BRD4: variants seen among roughly 807,000 people sequenced by gnomAD.
BRD4 encodes bromodomain-containing protein 4.
Under a neutral mutation model 142.1 loss-of-function variants are expected in BRD4, and 16 were observed. The ratio of observed to expected loss-of-function variants is 0.11; its 90% CI spans 0.08 to 0.17. BRD4 has a LOEUF of 0.17. BRD4 is among the 10% of genes least tolerant of loss of function. BRD4 has a pLI of 1.00. For synonymous variants in BRD4, 833 were observed against 707.5 expected (o/e 1.18, Z -2.82); for missense variants, 1,424 against 1,810.9 (o/e 0.79, Z 3.88).
intron 1 of BRD4, among the ~76,000 whole-genome samples, chr19:15,314,503 C>CG (rs2048000098): frequency 6.6e-6 from 1 of 152,128 alleles, no homozygotes; most frequent in Admixed American, 6.6e-5. Flanking sequence ...TTATTTCCGA[C>CG]GTCCTATTGG....
intron 7 of BRD4, among the ~76,000 whole-genome samples, chr19:15,261,031 G>GAGAGT (rs2047464498): frequency 6.6e-6 from 1 of 152,192 alleles, no homozygotes. Context: ...TTCTTCCTAT[G>GAGAGT]AGAGTAGATG....
At chr19:15,293,878 A>T (rs192160284) in intron 1 of BRD4, among the ~76,000 whole-genome samples, 83 of 152,316 alleles carry the variant, frequency 5.4e-4, no homozygotes, top group African/African-American at 1.9e-3. Context: ...TTGGTATCTC[A>T]TGTAAGTTGA....
chr19:15,299,386 C>A (rs899222440), intron 1 of BRD4, among the ~76,000 whole-genome samples: 3 of 152,332 alleles, frequency 2.0e-5, no homozygotes, highest in African/African-American at 7.2e-5. Flanking sequence ...TTTTACCCAT[C>A]AAAGCCTGAC....
intron 2 of BRD4, among the ~76,000 whole-genome samples, chr19:15,272,452 G>C (rs1223347242): frequency 6.6e-6 from 1 of 152,156 alleles, no homozygotes; most frequent in East Asian, 1.9e-4. Context: ...ACTTATCCTT[G>C]ATCAACTATG....
At chr19:15,254,893 C>T (rs1320159580) in intron 10 of BRD4, among the ~76,000 whole-genome samples, 3 of 152,210 alleles carry the variant, frequency 2.0e-5, no homozygotes, top group Admixed American at 6.5e-5. Flanking sequence ...ACCGAACTGT[C>T]CCTGCTAGAG....
chr19:15,318,336 A>G (rs982355025), intron 1 of BRD4, among the ~76,000 whole-genome samples: 2 of 152,168 alleles, frequency 1.3e-5, no homozygotes, highest in African/African-American at 4.8e-5. Context: ...CTTAGAAGTA[A>G]TAAGAGTTCT....
intron 1 of BRD4, among the ~76,000 whole-genome samples, chr19:15,312,627 C>A (rs1183985392): frequency 1.3e-5 from 2 of 151,504 alleles, no homozygotes; most frequent in African/African-American, 2.4e-5. Flanking sequence ...AGTGAAAATC[C>A]GTCAAATCAA....
chr19:15,252,103 CG>C (rs1012906678), intron 11 of BRD4, among the ~76,000 whole-genome samples: 15 of 152,038 alleles, frequency 9.9e-5, no homozygotes, highest in Non-Finnish European at 2.1e-4. Context: ...ATCTCGGCAG[CG>C]GCAGGAGGGG....
chr19:15,256,174 T>C lies in BRD4; in HGVS notation c.1641A>G (p.Lys547=). 1.2e-6 allele frequency: 2 copies of C among 1,612,822 alleles called. No individual in the cohort carries two copies. Among genetic ancestry groups the C allele is most frequent in the Admixed American group, 1.7e-5 (1 of 60,004 alleles). The change falls in exon 9 of 20, where the codon AAA becomes AAG. Residue 547 remains lysine (K), a synonymous_variant. Transcript: ENST00000679869. ...KKKEKDKKEK[K]KEKHKRKEEV... ...CCTCTTTCCTTTTGTGCTTTTCTTT[T>C]TTCTTTTCCTTCTTGTCTTTCTCCT... is the stretch of plus-strand genomic sequence containing the variant.
chr19:15,235,591 TGTAA>T lies in BRD4; in HGVS notation c.*2782_*2785del, dbSNP rs1367493437. On this transcript the variant is annotated 3_prime_UTR_variant, in exon 20 of 20. Coordinates refer to ENST00000679869, the MANE Select transcript of BRD4 (RefSeq NM_001379291.1). ...CAAAAAAAAAAAAAAACCTTTCGTA[TGTAA>T]GTGAAAAGTCTACGAATTCCCTTCT... 6.6e-6 allele frequency: 1 copy of T among 151,950 alleles called. No homozygotes were observed. The allele number at this position is 151,950 out of a possible 1,614,324, so 9.4% of individuals were successfully genotyped here.
chr19:15,299,913 T>C (rs1394508943), intron 1 of BRD4, among the ~76,000 whole-genome samples: 1 of 152,206 alleles, frequency 6.6e-6, no homozygotes, highest in Non-Finnish European at 1.5e-5. Context: ...AGAGAGCGTA[T>C]GAAGAGCTGC....
At chr19:15,252,518 A>C (rs2047358572) in intron 11 of BRD4, among the ~76,000 whole-genome samples, 1 of 152,232 alleles carries the variant, frequency 6.6e-6, no homozygotes. Flanking sequence ...AATTGGATCC[A>C]AGAATACAGC....
intron 1 of BRD4, among the ~76,000 whole-genome samples, chr19:15,323,898 C>T (rs2048086008): frequency 6.6e-6 from 1 of 152,186 alleles, no homozygotes; most frequent in Admixed American, 6.5e-5. Flanking sequence ...CAGTCCCAGG[C>T]ATCTTTATAC....
At position 15,315,290 on chromosome 19, in the gene BRD4, G is replaced by GTTAAATGAATCATCACCTAATACCAC. The variant is rs1471438904; in HGVS notation, c.-35+16999_-35+17000insGTGGTATTAGGTGATGATTCATTTAA. 2.9e-4 allele frequency among the ~76,000 whole-genome samples: 44 copies of GTTAAATGAATCATCACCTAATACCAC among 152,222 alleles called. 1 individual carries two copies. Among genetic ancestry groups the GTTAAATGAATCATCACCTAATACCAC allele is most frequent in the African/African-American group, 1.0e-3 (42 of 41,540 alleles). On this transcript the variant is annotated intron_variant, in intron 1 of 19. Coordinates refer to ENST00000679869, the MANE Select transcript of BRD4 (RefSeq NM_001379291.1). ...TGTTAAATGAATCACCACCTTTCTA[G>GTTAAATGAATCATCACCTAATACCAC]CACAGGGGTATTAGGATCTTGTGCA...
chr19:15,248,585 C>G, intron 11 of BRD4: 1 of 226,040 alleles, frequency 4.4e-6, no homozygotes, highest in Non-Finnish European at 8.8e-6. Flanking sequence ...GCCCACCAGG[C>G]AACTTAAGCT....
intron 1 of BRD4, among the ~76,000 whole-genome samples, chr19:15,327,984 T>A (rs2048124513): frequency 6.7e-6 from 1 of 148,448 alleles, no homozygotes; most frequent in South Asian, 2.1e-4. Flanking sequence ...TGTAAATACA[T>A]TTAAAAACTG....
chr19:15,235,643 A>G lies in BRD4; in HGVS notation c.*2734T>C, dbSNP rs377600677. 33 of 152,130 alleles carry G rather than the reference A, an allele frequency of 2.2e-4. No homozygotes were observed. Among genetic ancestry groups the G allele is most frequent in the African/African-American group, 7.5e-4 (31 of 41,406 alleles). 9.4% of individuals were successfully genotyped at this position (152,130 alleles called of 1,614,324 possible). ...TCTACAAATGTCTAAAGTGTTTAAT[A>G]CAAGTCTCAGATTCACTGACATAAT... On this transcript the variant is annotated 3_prime_UTR_variant, in exon 20 of 20. Transcript: ENST00000679869.
intron 1 of BRD4, among the ~76,000 whole-genome samples, chr19:15,292,944 T>TTAA (rs1231578371): frequency 2.0e-5 from 3 of 152,046 alleles, no homozygotes; most frequent in African/African-American, 7.2e-5. Flanking sequence ...CTGCTGGTAG[T>TTAA]TAATGTCCTA....
intron 14 of BRD4, among the ~76,000 whole-genome samples, chr19:15,242,231 AG>A (rs1326798834): frequency 2.6e-5 from 4 of 152,212 alleles, no homozygotes; most frequent in Non-Finnish European, 5.9e-5. Context: ...TGCTGAGGCC[AG>A]GACCCTCCAC....
Sources: gnomAD v4.1 joint callset for allele counts (sites outside exome capture counted in the v4.1 genomes callset) on GRCh38, gnomAD v4.1.1 for gene constraint, MANE v1.5 for transcripts, NCBI Gene and HGNC (gene_info 2026-07-23, HGNC 2026-07-21) for gene names.